NCEH1: variants seen among roughly 807,000 people sequenced by gnomAD.
NCEH1 encodes neutral cholesterol ester hydrolase 1.
Under a neutral mutation model 25.4 loss-of-function variants are expected in NCEH1, and 9 were observed. That is an observed-to-expected ratio of 0.35 (90% CI 0.21 to 0.62). NCEH1 has a LOEUF of 0.62. Among genes scored for constraint, NCEH1 ranks in the 20% least tolerant of loss-of-function variants. The pLI, the probability that NCEH1 is intolerant of heterozygous loss-of-function variation, is 0.72. For synonymous variants in NCEH1, 200 were observed against 199.8 expected, an observed-to-expected ratio of 1.00 and a Z score of -0.01; for missense variants, 412 against 501.1, an observed-to-expected ratio of 0.82 and a Z score of 1.70.
rs149751826 is a variant in NCEH1 at position 172,669,553 on chromosome 3, A to T, written c.139-21439T>A. ...ATGAATAATAGCCATTTTAGTGGTTATTTATTTTTTTGACATGGAGTCACC... is the reference window on the plus strand; with the variant it reads ...ATGAATAATAGCCATTTTAGTGGTTTTTTATTTTTTTGACATGGAGTCACC... On this transcript the variant is annotated intron_variant, in intron 1 of 4. Transcript: ENST00000475381. 3.6e-3 allele frequency among the ~76,000 whole-genome samples: 544 copies of T among 152,154 alleles called. 3 individuals carry two copies. The highest frequency in any genetic ancestry group is 0.013 in the African/African-American group (532 of 41,476).
At chr3:172,681,536 T>A (rs1712375331) in intron 1 of NCEH1, among the ~76,000 whole-genome samples, 1 of 151,990 alleles carries the variant, frequency 6.6e-6, no homozygotes, top group South Asian at 2.1e-4. Flanking sequence ...ATATGAAGAA[T>A]GCCACTTCGA....
chr3:172,671,049 G>A (rs1711582920), intron 1 of NCEH1, among the ~76,000 whole-genome samples: 1 of 152,060 alleles, frequency 6.6e-6, no homozygotes, highest in South Asian at 2.1e-4. Flanking sequence ...ATCCTTTGTA[G>A]TAAGGCTTAC....
intron 1 of NCEH1, among the ~76,000 whole-genome samples, chr3:172,699,742 G>C (rs1298088593): frequency 6.6e-6 from 1 of 152,122 alleles, no homozygotes; most frequent in African/African-American, 2.4e-5. Flanking sequence ...GTGTATGCCT[G>C]TGGTCCCAGC....
intron 1 of NCEH1, among the ~76,000 whole-genome samples, chr3:172,708,189 C>T (rs1186276361): frequency 6.6e-6 from 1 of 152,186 alleles, no homozygotes; most frequent in Non-Finnish European, 1.5e-5. Flanking sequence ...TTGCCAATGA[C>T]AACAGAATAA....
intron 1 of NCEH1, among the ~76,000 whole-genome samples, chr3:172,701,178 C>T (rs753328424): frequency 3.9e-5 from 6 of 152,182 alleles, no homozygotes; most frequent in Non-Finnish European, 7.3e-5. Flanking sequence ...TATGATCAGC[C>T]ATCCTTGGAC....
At chr3:172,669,919 T>C (rs1174287603) in intron 1 of NCEH1, among the ~76,000 whole-genome samples, 1 of 152,214 alleles carries the variant, frequency 6.6e-6, no homozygotes, top group African/African-American at 2.4e-5. Flanking sequence ...TAGTCCATAA[T>C]TCTAAATCCA....
rs1181677548 is a variant in NCEH1 at position 172,633,818 on chromosome 3, G to C, written c.884C>G (p.Ser295Cys). 1 of 1,614,198 alleles carries C rather than the reference G, an allele frequency of 6.2e-7. No homozygotes were observed. Among genetic ancestry groups the C allele is most frequent in the South Asian group, 1.1e-5 (1 of 91,088 alleles). Residue 295 changes from serine (S) to cysteine (C), a missense_variant, in exon 5 of 5, where the codon TCC becomes TGC. This residue lies in a region of NCEH1 where 210 missense variants were observed against 258.2 expected (regional missense o/e 0.81). Coordinates refer to ENST00000475381, the MANE Select transcript of NCEH1 (RefSeq NM_020792.6). Reference sequence around the variant, plus strand: ...AACAGGCTTGTAGTTCTTTGTGAAGGATGCAGGCAAGAGGGATGTCCAGTT... The same window carrying C: ...AACAGGCTTGTAGTTCTTTGTGAAGCATGCAGGCAAGAGGGATGTCCAGTT... ...RLNWTSLLPASFTKNYKPVVQ... is the reference protein window; with the variant it reads ...RLNWTSLLPACFTKNYKPVVQ...
At chr3:172,684,580 C>T (rs1056748920) in intron 1 of NCEH1, among the ~76,000 whole-genome samples, 1 of 152,108 alleles carries the variant, frequency 6.6e-6, no homozygotes, top group Non-Finnish European at 1.5e-5. Flanking sequence ...GAAATTAAGC[C>T]ACACTGACAT....
chr3:172,640,652 C>T (rs1354477126), intron 3 of NCEH1, among the ~76,000 whole-genome samples: 1 of 152,134 alleles, frequency 6.6e-6, no homozygotes, highest in Non-Finnish European at 1.5e-5. Flanking sequence ...GAACTACAGG[C>T]GCCCGCCACC....
At chr3:172,634,198 A>G (rs559445942) in intron 4 of NCEH1, 106 bp from the exon 5 acceptor site, 42 of 1,097,048 alleles carry the variant, frequency 3.8e-5, no homozygotes, top group East Asian at 2.6e-4. Flanking sequence ...TGTCAATGGT[A>G]TAAGTGTTAC....
chr3:172,662,241 T>G (rs1370841891), intron 1 of NCEH1, among the ~76,000 whole-genome samples: 2 of 152,236 alleles, frequency 1.3e-5, no homozygotes, highest in African/African-American at 4.8e-5. Context: ...GGTTTTTGTC[T>G]TTGGTTCTGT....
intron 3 of NCEH1, among the ~76,000 whole-genome samples, chr3:172,643,669 G>A (rs1716971462): frequency 2.0e-5 from 3 of 152,196 alleles, no homozygotes; most frequent in African/African-American, 2.4e-5. Flanking sequence ...AAGGGGAGAA[G>A]GGAATGGAGG....
At chr3:172,646,469 G>T (rs961869399) in intron 2 of NCEH1, among the ~76,000 whole-genome samples, 1 of 152,180 alleles carries the variant, frequency 6.6e-6, no homozygotes, top group African/African-American at 2.4e-5. Context: ...TAAAAAACTA[G>T]AATTTTAGGA....
intron 1 of NCEH1, among the ~76,000 whole-genome samples, chr3:172,675,546 AAG>A (rs1205558567): frequency 8.5e-5 from 13 of 152,302 alleles, no homozygotes; most frequent in African/African-American, 2.9e-4. Flanking sequence ...TGTATGTTGT[AAG>A]AGAGTCTGTG....
intron 3 of NCEH1, among the ~76,000 whole-genome samples, chr3:172,636,984 T>C (rs1341694468): frequency 6.6e-6 from 1 of 152,200 alleles, no homozygotes; most frequent in Non-Finnish European, 1.5e-5. Context: ...CAGCCTTCCT[T>C]GGTCATATCT....
intron 1 of NCEH1, among the ~76,000 whole-genome samples, chr3:172,658,421 G>A (rs1717805422): frequency 6.6e-6 from 1 of 152,114 alleles, no homozygotes; most frequent in Non-Finnish European, 1.5e-5. Context: ...TTTTGTAGAG[G>A]AAACCTTTTG....
intron 1 of NCEH1, among the ~76,000 whole-genome samples, chr3:172,648,441 T>A (rs1337534634): frequency 6.6e-6 from 1 of 152,084 alleles, no homozygotes; most frequent in Admixed American, 6.6e-5. Flanking sequence ...TTCAGTACCT[T>A]TTTTTTCTAA....
intron 1 of NCEH1, among the ~76,000 whole-genome samples, chr3:172,693,422 C>A (rs1713175029): frequency 6.6e-6 from 1 of 151,208 alleles, no homozygotes; most frequent in African/African-American, 2.4e-5. Context: ...TAACATGCTA[C>A]CCATGATTGC....
rs59443210 is a variant in NCEH1 at position 172,653,743 on chromosome 3, T to TTTTG, written c.139-5630_139-5629insCAAA. ...GTTGTTGTTGTTGTTCTGTTTTTTT[T>TTTTG]GTTTTTTTGTTTTTTTGTTTTTTTT... On this transcript the variant is annotated intron_variant, in intron 1 of 4. Transcript: ENST00000475381. 1.1e-3 allele frequency among the ~76,000 whole-genome samples: 124 copies of TTTTG among 110,614 alleles called. No individual in the cohort carries two copies. The East Asian group carries it at 0.016, about 15-fold the overall frequency. The allele number at this position is 110,614 out of a possible 152,430, so 72.6% of individuals were successfully genotyped here.
Sources: allele counts gnomAD v4.1 joint callset (sites outside exome capture counted in the v4.1 genomes callset), GRCh38; gene constraint gnomAD v4.1.1; regional missense constraint gnomAD v4.1.1; transcripts MANE v1.5; gene names NCBI Gene and HGNC (gene_info 2026-07-23, HGNC 2026-07-21).